The following UTP20 variants were observed in gnomAD, a reference collection of about 807,000 sequenced individuals.
UTP20 encodes small subunit processome component 20 homolog.
A neutral mutation model predicts 329.5 loss-of-function variants in UTP20; 164 were observed. That is an observed-to-expected ratio of 0.50 (90% CI 0.44 to 0.57). UTP20 has a LOEUF of 0.57. UTP20 is among the 20% of genes least tolerant of loss of function. The pLI, the probability that UTP20 is intolerant of heterozygous loss-of-function variation, is 0.00. For missense variants in UTP20, 3,055 were observed against 3,284.2 expected, an observed-to-expected ratio of 0.93 and a Z score of 1.71; for synonymous variants, 1,151 against 1,159.3, an observed-to-expected ratio of 0.99 and a Z score of 0.14.
chr12:101,340,349 G>A (rs536169617), intron 31 of UTP20, among the ~76,000 whole-genome samples, 174 bp from the exon 32 acceptor site: 3 of 152,302 alleles, frequency 2.0e-5, no homozygotes, highest in South Asian at 2.1e-4. Flanking sequence ...GTAAGAGTGA[G>A]CACAGCTAAG....
At chr12:101,294,105 G>A (rs890642761) in intron 11 of UTP20, among the ~76,000 whole-genome samples, 4 of 149,474 alleles carry the variant, frequency 2.7e-5, no homozygotes, top group Middle Eastern at 3.2e-3. Context: ...GCATGATCTC[G>A]GCTCACTGCA....
At chr12:101,304,760 T>G (rs2137246299) in intron 15 of UTP20, among the ~76,000 whole-genome samples, 1 of 152,314 alleles carries the variant, frequency 6.6e-6, no homozygotes. Flanking sequence ...ATGTCAGTAG[T>G]GCTACTGTAG....
At chr12:101,292,399 G>GT (rs1487141027) in intron 10 of UTP20, among the ~76,000 whole-genome samples, 2 of 152,232 alleles carry the variant, frequency 1.3e-5, no homozygotes, top group Non-Finnish European at 2.9e-5. Context: ...TGTGTGCTGG[G>GT]TATGAGCTGG....
intron 57 of UTP20, 102 bp downstream of exon 57, chr12:101,379,660 A>G: frequency 7.7e-7 from 1 of 1,293,780 alleles, no homozygotes; most frequent in South Asian, 1.5e-5. Flanking sequence ...AACTCTTCCA[A>G]CCAACAATTT....
chr12:101,346,014 C>T (rs1037636764), intron 37 of UTP20, among the ~76,000 whole-genome samples: 1 of 151,918 alleles, frequency 6.6e-6, no homozygotes, highest in Non-Finnish European at 1.5e-5. Flanking sequence ...CAGGTGTTTG[C>T]TCTTGTAACA....
intron 2 of UTP20, among the ~76,000 whole-genome samples, chr12:101,282,199 TGTC>T (rs1479955505): frequency 1.3e-5 from 2 of 152,162 alleles, no homozygotes; most frequent in Non-Finnish European, 2.9e-5. Flanking sequence ...TGTTAAATGA[TGTC>T]GTCTAGGTGA....
At chr12:101,370,963 G>C (rs1402047620) in intron 50 of UTP20, 95 bp from the exon 51 acceptor site, 3 of 1,028,576 alleles carry the variant, frequency 2.9e-6, no homozygotes. Flanking sequence ...TCTTGTGTTT[G>C]AAAATGTCCT....
chr12:101,316,621 G>A (rs11836823), intron 21 of UTP20, among the ~76,000 whole-genome samples: 1 of 152,188 alleles, frequency 6.6e-6, no homozygotes, highest in Non-Finnish European at 1.5e-5. Context: ...AGGGTTGGTA[G>A]GGTGCTGTCC....
chr12:101,354,729 T>C, intron 40 of UTP20, 103 bp from the exon 41 acceptor site: 1 of 1,271,274 alleles, frequency 7.9e-7, no homozygotes, highest in Non-Finnish European at 1.1e-6. Flanking sequence ...GCTGATTAGA[T>C]ATTTTTTATC....
At chr12:101,290,645 T>G in intron 7 of UTP20, 88 bp from the exon 8 acceptor site, 1 of 1,395,628 alleles carries the variant, frequency 7.2e-7, no homozygotes. Flanking sequence ...ATTTTTAAGG[T>G]AGCTAATGTA....
Position 101,291,952 on chromosome 12 carries a change from T to A in UTP20, c.1039-18T>A, listed in dbSNP as rs1261652460. The A allele has an allele frequency of 6.2e-7, 1 of 1,610,344 alleles. No individual in the cohort carries two copies. The highest frequency in any genetic ancestry group is 2.2e-5 in the East Asian group (1 of 44,820). On this transcript the variant is annotated intron_variant, in intron 9 of 61. Coordinates refer to ENST00000261637, the MANE Select transcript of UTP20 (RefSeq NM_014503.3). ...TAAAAGCTGATTGCTGAGTATGCAT[T>A]GTTTTTTCTTTTTGCAGGTGTTATC...
At chr12:101,295,684 A>G (rs1028140792) in intron 12 of UTP20, 26 bp downstream of exon 12, 1 of 1,566,824 alleles carries the variant, frequency 6.4e-7, no homozygotes, top group Non-Finnish European at 8.7e-7. Context: ...TTATTCCTGT[A>G]ATGATGATAA....
rs763717393 is a variant in UTP20, at chr12:101,327,181, A to T, written c.3142A>T (p.Thr1048Ser). The T allele has an allele frequency of 7.4e-6, 12 of 1,613,112 alleles. No individual in the cohort carries two copies. Among genetic ancestry groups the T allele is most frequent in the Non-Finnish European group, 1.0e-5 (12 of 1,179,194 alleles). ...MAIVLRFLAG[T>S]QPEEIQIFLD... ...CATTGTCCTGCGGTTCCTGGCCGGG[A>T]CCCAACCTGAGGAGATCCAGATATT... Residue 1048 changes from threonine to serine, a missense_variant, in exon 26 of 62, where the codon ACC becomes TCC. Physicochemically the swap from Thr to Ser is moderately conservative, Grantham distance 58. Coordinates refer to ENST00000261637, the MANE Select transcript of UTP20 (RefSeq NM_014503.3).
chr12:101,297,328 A>G (rs578036163), intron 12 of UTP20, among the ~76,000 whole-genome samples: 3 of 152,124 alleles, frequency 2.0e-5, no homozygotes, highest in South Asian at 2.1e-4. Flanking sequence ...CTATCCTCTC[A>G]CTTGAGCCTC....
chr12:101,323,687 A>G (rs1040266116), intron 25 of UTP20, among the ~76,000 whole-genome samples: 1 of 152,026 alleles, frequency 6.6e-6, no homozygotes, highest in Non-Finnish European at 1.5e-5. Flanking sequence ...GGTAAATAAT[A>G]TTCCTCTCTG....
At chr12:101,367,417 C>T (rs1164440887) in intron 47 of UTP20, among the ~76,000 whole-genome samples, 1 of 152,184 alleles carries the variant, frequency 6.6e-6, no homozygotes, top group East Asian at 1.9e-4. Flanking sequence ...GCTTCCCTTC[C>T]CATCTAGAAA....
rs1869671887 is a variant in UTP20 at position 101,355,013 on chromosome 12, T to C, written c.5289T>C (p.Ser1763=). The C allele has an allele frequency of 1.2e-6, 2 of 1,614,190 alleles. No homozygotes were observed. Among genetic ancestry groups the C allele is most frequent in the Non-Finnish European group, 1.7e-6 (2 of 1,180,040 alleles). The stretch of plus-strand genomic sequence containing the variant: ...CCGAGTGTATCACAAAGCCTGTCTC[T>C]TTCCTTCCTCAAAACAAGGAAGAAA... ...KESECITKPV[S]FLPQNKEEIE... Residue 1763 remains serine (S), a synonymous_variant, in exon 41 of 62, where the codon TCT becomes TCC. Coordinates refer to ENST00000261637, the MANE Select transcript of UTP20 (RefSeq NM_014503.3).
chr12:101,291,979 C>G lies in UTP20; in HGVS notation c.1048C>G (p.Gln350Glu). 1.9e-6 allele frequency: 3 copies of G among 1,612,538 alleles called. No individual in the cohort carries two copies. The highest frequency in any genetic ancestry group is 2.5e-6 in the Non-Finnish European group (3 of 1,179,540). ...TPADVCKVLSQTLQVASLSTS... is the reference protein window; with the variant it reads ...TPADVCKVLSETLQVASLSTS... ...TTTTTTCTTTTTGCAGGTGTTATCT[C>G]AAACACTGCAAGTAGCCAGTCTCTC... The change falls in exon 10 of 62, where the codon CAA becomes GAA. Residue 350 changes from glutamine (Q) to glutamate (E), a missense_variant. Gln to Glu is a conservative substitution (Grantham distance 29, BLOSUM62 2). Around this residue, in one of 3 missense-constraint regions of UTP20, gnomAD observed 2,445 missense variants for 2,575.5 expected, o/e 0.95. Transcript: ENST00000261637.
Position 101,373,768 on chromosome 12 carries a change from G to T in UTP20, c.7131+1G>T, listed in dbSNP as rs764163413. On this transcript the variant is annotated splice_donor_variant, in intron 54 of 61. Coordinates refer to ENST00000261637, the MANE Select transcript of UTP20 (RefSeq NM_014503.3). LOFTEE classifies it high-confidence loss of function. ...TACCACTTGGTTTGGAGCAAAAAAG[G>T]TGTGCGTTGCTTTTAGTCACAGTTC... The T allele has an allele frequency of 4.4e-6, 7 of 1,608,656 alleles. No homozygotes were observed. Among genetic ancestry groups the T allele is most frequent in the East Asian group, 2.2e-5 (1 of 44,874 alleles).
Sources: gnomAD v4.1 joint callset for allele counts (sites outside exome capture counted in the v4.1 genomes callset) on GRCh38, gnomAD v4.1.1 for gene constraint, gnomAD v4.1.1 regional missense constraint, MANE v1.5 for transcripts, NCBI Gene and HGNC (gene_info 2026-07-23, HGNC 2026-07-21) for gene names.